The following RBFOX1 variants were observed in gnomAD, a reference collection of about 807,000 sequenced individuals.
RBFOX1 encodes RNA binding protein fox-1 homolog 1.
RBFOX1 carries 8 observed loss-of-function variants against 57.7 expected under a neutral mutation model. The observed-to-expected ratio is 0.14, with a 90% CI of 0.08 to 0.25. The LOEUF (loss-of-function observed/expected upper bound fraction) is 0.25, where lower values mean the gene tolerates loss of function less well. RBFOX1 is among the 10% of genes least tolerant of loss of function. RBFOX1 has a pLI of 1.00. For synonymous variants in RBFOX1, 326 were observed against 222.4 expected, an observed-to-expected ratio of 1.47 and a Z score of -4.15; for missense variants, 611 against 548.5, an observed-to-expected ratio of 1.11 and a Z score of -1.14.
chr16:6,777,881 G>C (rs112345403), intron 3 of RBFOX1, among the ~76,000 whole-genome samples: 3 of 152,100 alleles, frequency 2.0e-5, no homozygotes, highest in Non-Finnish European at 4.4e-5. Flanking sequence ...GCTGCCCAAA[G>C]CTGACTTCCA....
intron 3 of RBFOX1, among the ~76,000 whole-genome samples, chr16:6,908,414 T>G (rs982231905): frequency 2.1e-5 from 3 of 146,160 alleles, no homozygotes; most frequent in Admixed American, 6.7e-5. Flanking sequence ...CAGGAACCTT[T>G]GACTTTTCCA....
intron 4 of RBFOX1, among the ~76,000 whole-genome samples, chr16:7,271,333 G>A (rs1374430117): frequency 7.3e-5 from 11 of 151,616 alleles, no homozygotes; most frequent in Non-Finnish European, 1.5e-4. Flanking sequence ...TGCAACAACT[G>A]GATCTTTGTT....
intron 2 of RBFOX1, among the ~76,000 whole-genome samples, chr16:6,582,956 T>C: frequency 6.6e-6 from 1 of 151,948 alleles, no homozygotes; most frequent in African/African-American, 2.4e-5. Context: ...TTTTCTCCTT[T>C]CCTTGAATCT....
intron 2 of RBFOX1, among the ~76,000 whole-genome samples, chr16:5,510,317 G>A (rs2043537832): frequency 6.6e-6 from 1 of 152,124 alleles, no homozygotes; most frequent in African/African-American, 2.4e-5. Flanking sequence ...GGTTGGCTGG[G>A]GCCGCTCTCC....
chr16:5,545,634 T>A (rs999734948), intron 2 of RBFOX1, among the ~76,000 whole-genome samples: 2 of 152,088 alleles, frequency 1.3e-5, no homozygotes, highest in Non-Finnish European at 2.9e-5. Flanking sequence ...CAGAAAAACG[T>A]AAGAATTTAA....
chr16:5,326,413 C>G (rs1046933893), intron 1 of RBFOX1, among the ~76,000 whole-genome samples: 1 of 152,200 alleles, frequency 6.6e-6, no homozygotes, highest in East Asian at 1.9e-4. Flanking sequence ...TGAGCCCCAT[C>G]CATACACTTG....
chr16:7,460,277 A>G (rs899850470), intron 4 of RBFOX1, among the ~76,000 whole-genome samples: 5 of 150,824 alleles, frequency 3.3e-5, no homozygotes, highest in East Asian at 2.0e-4. Flanking sequence ...TTTCCTTTTT[A>G]GGAAAATCTC....
At chr16:5,816,127 C>G (rs1469606295) in intron 3 of RBFOX1, among the ~76,000 whole-genome samples, 1 of 152,100 alleles carries the variant, frequency 6.6e-6, no homozygotes, top group Non-Finnish European at 1.5e-5. Context: ...TTCCAATTTG[C>G]AAACAGGGAG....
At chr16:6,753,752 T>G (rs1304919436) in intron 3 of RBFOX1, among the ~76,000 whole-genome samples, 2 of 152,092 alleles carry the variant, frequency 1.3e-5, no homozygotes, top group Non-Finnish European at 2.9e-5. Context: ...CTGGCCTCCT[T>G]GGATTTATGT....
intron 4 of RBFOX1, among the ~76,000 whole-genome samples, chr16:5,992,722 T>C (rs1419098468): frequency 1.3e-5 from 2 of 152,118 alleles, no homozygotes; most frequent in East Asian, 3.9e-4. Context: ...TCACCTGAGG[T>C]CAGTAGTTCA....
chr16:5,853,757 T>C (rs1414496202), intron 3 of RBFOX1, among the ~76,000 whole-genome samples: 7 of 152,160 alleles, frequency 4.6e-5, no homozygotes, highest in Non-Finnish European at 8.8e-5. Flanking sequence ...TTTCAAATTG[T>C]GGCTTTTCTT....
At chr16:6,817,854 T>G (rs574677340) in intron 3 of RBFOX1, among the ~76,000 whole-genome samples, 4 of 152,300 alleles carry the variant, frequency 2.6e-5, no homozygotes, top group African/African-American at 7.2e-5. Flanking sequence ...GTGACTCATA[T>G]CAGACAGGAG....
intron 1 of RBFOX1, among the ~76,000 whole-genome samples, chr16:6,174,992 A>C (rs2096992453): frequency 6.6e-6 from 1 of 152,218 alleles, no homozygotes. Flanking sequence ...AAGGTGCTTA[A>C]GTCATCTCTC....
intron 4 of RBFOX1, among the ~76,000 whole-genome samples, chr16:5,962,098 G>T (rs1022453754): frequency 1.3e-5 from 2 of 152,122 alleles, no homozygotes; most frequent in African/African-American, 4.8e-5. Flanking sequence ...GTTCCAGGTG[G>T]TATGATGAAT....
At chr16:5,479,551 G>C (rs1193745658) in intron 2 of RBFOX1, among the ~76,000 whole-genome samples, 3 of 152,156 alleles carry the variant, frequency 2.0e-5, no homozygotes, top group Non-Finnish European at 2.9e-5. Context: ...CTGAGGTCAG[G>C]AGTTCCAGAC....
chr16:6,059,362 G>A (rs1472379206), intron 1 of RBFOX1: 2 of 151,908 alleles, frequency 1.3e-5, no homozygotes, highest in Non-Finnish European at 2.9e-5. Context: ...ACTAGAATAG[G>A]GTGATTTATA....
At chr16:6,857,102 A>G (rs2058054372) in intron 3 of RBFOX1, among the ~76,000 whole-genome samples, 1 of 152,148 alleles carries the variant, frequency 6.6e-6, no homozygotes, top group African/African-American at 2.4e-5. Context: ...TGATTGCTTC[A>G]AAAACCCTGA....
In RBFOX1 at chr16:6,982,483, C is replaced by T. The variant is rs560849776; in HGVS notation, c.-15-69574C>T. 5.5e-4 allele frequency among the ~76,000 whole-genome samples: 83 copies of T among 152,236 alleles called. 1 individual carries two copies. In the South Asian group the frequency reaches 0.011, roughly 21 times the overall value. On this transcript the variant is annotated intron_variant, in intron 3 of 15. Transcript: ENST00000550418. Reference sequence around the variant, plus strand: ...CTCCTTCTCATTCGTTCATGAGAGTCGTTGACGAGGTGGATCCTGGAGTAG... The same window carrying T: ...CTCCTTCTCATTCGTTCATGAGAGTTGTTGACGAGGTGGATCCTGGAGTAG...
chr16:6,650,206 G>C (rs776494033), intron 2 of RBFOX1, among the ~76,000 whole-genome samples: 1 of 152,176 alleles, frequency 6.6e-6, no homozygotes, highest in Non-Finnish European at 1.5e-5. Context: ...CTGCTGGTTG[G>C]AGAGTCTCAC....
Sources: gnomAD v4.1 joint callset for allele counts (sites outside exome capture counted in the v4.1 genomes callset) on GRCh38, gnomAD v4.1.1 for gene constraint, MANE v1.5 for transcripts, NCBI Gene and HGNC (gene_info 2026-07-23, HGNC 2026-07-21) for gene names.